Variants in DENND5A observed in about 807,000 individuals in gnomAD.
The protein encoded by DENND5A is DENN domain containing 5A.
Under a neutral mutation model 140.3 loss-of-function variants are expected in DENND5A, and 64 were observed. The ratio of observed to expected loss-of-function variants is 0.46; its 90% CI spans 0.37 to 0.56. DENND5A has a LOEUF of 0.56. DENND5A is among the 20% of genes least tolerant of loss of function. The pLI is 0.00. For synonymous variants in DENND5A, 605 were observed against 607.7 expected, an observed-to-expected ratio of 1.00 and a Z score of 0.07; for missense variants, 1,292 against 1,593.8, an observed-to-expected ratio of 0.81 and a Z score of 3.22.
chr11:9,196,746 G>T (rs981736710), intron 4 of DENND5A, among the ~76,000 whole-genome samples: 36 of 152,088 alleles, frequency 2.4e-4, no homozygotes, highest in African/African-American at 8.2e-4. Flanking sequence ...GAGTAGCTGG[G>T]ATTACAAGTG....
chr11:9,259,937 A>C (rs2136305968), intron 1 of DENND5A, among the ~76,000 whole-genome samples: 1 of 150,010 alleles, frequency 6.7e-6, no homozygotes, highest in African/African-American at 2.4e-5. Flanking sequence ...GCTGAGGCTC[A>C]GAATCACTTG....
chr11:9,178,253 A>G lies in DENND5A; in HGVS notation c.1785T>C (p.Asp595=), dbSNP rs1316074841. Residue 595 remains aspartate, a synonymous_variant, in exon 8 of 23, where the codon GAT becomes GAC. Transcript: ENST00000328194. ...IDNKIMCHDD[D]DKDPVLRVFD... ...ATACCCGGAGTACAGGGTCTTTATCATCATCATCATGACACATTATTTTGT... is the reference window on the plus strand; with the variant it reads ...ATACCCGGAGTACAGGGTCTTTATCGTCATCATCATGACACATTATTTTGT... 6.2e-7 allele frequency: 1 copy of G among 1,613,956 alleles called. No homozygotes were observed. The highest frequency in any genetic ancestry group is 8.5e-7 in the Non-Finnish European group (1 of 1,179,848).
intron 8 of DENND5A, among the ~76,000 whole-genome samples, chr11:9,173,509 G>C (rs1848442591): frequency 6.6e-6 from 1 of 152,180 alleles, no homozygotes; most frequent in Non-Finnish European, 1.5e-5. Flanking sequence ...TGGAAATAGA[G>C]TTTTGTGAAG....
At chr11:9,230,826 T>C (rs1850739878) in intron 1 of DENND5A, among the ~76,000 whole-genome samples, 2 of 151,932 alleles carry the variant, frequency 1.3e-5, no homozygotes, top group South Asian at 4.2e-4. Context: ...GACCGGTCTC[T>C]ACAAAGAAAT....
In DENND5A at chr11:9,139,663, C is replaced by T. The variant is rs1249754902; in HGVS notation, c.*8G>A. ...TTCTCAGTCCTGCTGCTGGCTGGTG[C>T]TGGGAGGTCAGATGTCGATGCCCTT... On this transcript the variant is annotated 3_prime_UTR_variant, in exon 23 of 23. Transcript: ENST00000328194. 5.0e-6 allele frequency: 8 copies of T among 1,611,768 alleles called. No homozygotes were observed. Among genetic ancestry groups the T allele is most frequent in the Middle Eastern group, 1.7e-4 (1 of 6,054 alleles).
intron 1 of DENND5A, among the ~76,000 whole-genome samples, chr11:9,253,918 G>A (rs1166803274): frequency 6.6e-6 from 1 of 152,020 alleles, no homozygotes; most frequent in East Asian, 1.9e-4. Context: ...AGCACTTTGG[G>A]AGGCCGAGAC....
chr11:9,243,922 TTA>T (rs1272880368), intron 1 of DENND5A, among the ~76,000 whole-genome samples: 2 of 152,140 alleles, frequency 1.3e-5, no homozygotes, highest in Non-Finnish European at 2.9e-5. Context: ...TCCCTTATGA[TTA>T]TGTTTTCTCT....
chr11:9,202,245 C>T (rs1010126972), intron 4 of DENND5A, among the ~76,000 whole-genome samples: 1 of 152,074 alleles, frequency 6.6e-6, no homozygotes, highest in African/African-American at 2.4e-5. Flanking sequence ...GGCACTAGAT[C>T]CTGAATAAGG....
At chr11:9,251,824 C>A (rs1851733250) in intron 1 of DENND5A, among the ~76,000 whole-genome samples, 1 of 150,244 alleles carries the variant, frequency 6.7e-6, no homozygotes, top group African/African-American at 2.5e-5. Context: ...CCCGTCTCTA[C>A]TAAAAATACA....
intron 1 of DENND5A, among the ~76,000 whole-genome samples, chr11:9,258,380 C>G (rs977467144): frequency 1.3e-4 from 20 of 151,150 alleles, no homozygotes; most frequent in African/African-American, 4.6e-4. Flanking sequence ...TGTGGTGTTC[C>G]GTTTTCTGTT....
chr11:9,261,288 G>A (rs1203149673), intron 1 of DENND5A, among the ~76,000 whole-genome samples: 2 of 152,186 alleles, frequency 1.3e-5, no homozygotes, highest in Non-Finnish European at 2.9e-5. Context: ...AGCTATGTAA[G>A]TTAACTGTGT....
intron 4 of DENND5A, among the ~76,000 whole-genome samples, chr11:9,197,107 CCAACCTGG>C (rs1351123167): frequency 2.6e-5 from 4 of 151,064 alleles, no homozygotes; most frequent in Non-Finnish European, 4.4e-5. Context: ...GAGTTTAAGA[CCAACCTGG>C]CAAGAATAGC....
Position 9,265,093 on chromosome 11 carries a change from G to A in DENND5A, c.-24C>T, listed in dbSNP as rs1479488265. 1.1e-5 allele frequency: 16 copies of A among 1,465,642 alleles called. No individual in the cohort carries two copies. The East Asian group carries it at 3.5e-4, about 32-fold the overall frequency. The allele number at this position is 1,465,642 out of a possible 1,614,324, so 90.8% of individuals were successfully genotyped here. ...ATGGCGCCGGGGCCGAGACCGGCCG[G>A]GCAGTGCGGAGCGGCACCGAGCCCC... On this transcript the variant is annotated 5_prime_UTR_variant, in exon 1 of 23. Transcript: ENST00000328194. This position sits in a 1 kb window ranked among gnomAD's most constrained non-coding sequence, Gnocchi z 4.7.
At chr11:9,225,674 A>C (rs756856391) in intron 1 of DENND5A, among the ~76,000 whole-genome samples, 1 of 152,210 alleles carries the variant, frequency 6.6e-6, no homozygotes, top group Non-Finnish European at 1.5e-5. Context: ...AGGCAGGGGA[A>C]TCACTTGAAC....
intron 1 of DENND5A, among the ~76,000 whole-genome samples, chr11:9,229,899 CTTTTTTTT>C (rs71062816): frequency 1.1e-4 from 7 of 64,904 alleles, no homozygotes; most frequent in East Asian, 5.5e-4. Context: ...GCTCCCATTT[CTTTTTTTT>C]TTTTTTTTTT....
chr11:9,242,987 T>C (rs1470605122), intron 1 of DENND5A, among the ~76,000 whole-genome samples: 4 of 142,826 alleles, frequency 2.8e-5, no homozygotes, highest in African/African-American at 7.8e-5. Flanking sequence ...ACTCGGGAGG[T>C]TGAGGCAGGA....
At chr11:9,174,217 A>G (rs1848477114) in intron 8 of DENND5A, among the ~76,000 whole-genome samples, 1 of 151,824 alleles carries the variant, frequency 6.6e-6, no homozygotes. Context: ...CAAATAGAAA[A>G]CAAACAGCAA....
intron 1 of DENND5A, among the ~76,000 whole-genome samples, chr11:9,210,357 C>T (rs1372040878): frequency 6.6e-6 from 1 of 152,106 alleles, no homozygotes; most frequent in Non-Finnish European, 1.5e-5. Context: ...GATCTAAAGC[C>T]CATTTCCAAG....
chr11:9,230,230 C>CTTTT (rs71062817), intron 1 of DENND5A, among the ~76,000 whole-genome samples: 3 of 52,092 alleles, frequency 5.8e-5, no homozygotes, highest in African/African-American at 9.1e-5. Flanking sequence ...AAAACTAATG[C>CTTTT]TTTTTTTTTT....
Sources: allele counts gnomAD v4.1 joint callset (sites outside exome capture counted in the v4.1 genomes callset), GRCh38; gene constraint gnomAD v4.1.1; non-coding constraint Gnocchi (gnomAD v3.1); transcripts MANE v1.5; gene names NCBI Gene and HGNC (gene_info 2026-07-23, HGNC 2026-07-21).